Variants in MAML3 observed in about 807,000 individuals in gnomAD.
MAML3 encodes the protein mastermind-like protein 3.
In MAML3, 27 loss-of-function variants were observed where a neutral mutation model predicts 101.9. The observed-to-expected ratio is 0.27, with a 90% CI of 0.20 to 0.37. The LOEUF (loss-of-function observed/expected upper bound fraction) is 0.37, where lower values mean the gene tolerates loss of function less well. MAML3 is among the 10% of genes least tolerant of loss of function. MAML3 has a pLI of 1.00. For synonymous variants in MAML3, 501 were observed against 555.9 expected (o/e 0.90, Z 1.39); for missense variants, 1,316 against 1,444.9 (o/e 0.91, Z 1.45).
intron 1 of MAML3, among the ~76,000 whole-genome samples, chr4:140,067,354 A>G (rs1220648713): frequency 6.6e-6 from 1 of 152,236 alleles, no homozygotes; most frequent in Non-Finnish European, 1.5e-5. Context: ...AAAATGGCCA[A>G]GAGTTTGCAA....
At chr4:140,047,813 C>A (rs1044255648) in intron 1 of MAML3, among the ~76,000 whole-genome samples, 18 of 149,258 alleles carry the variant, frequency 1.2e-4, no homozygotes, top group Admixed American at 1.0e-3. Context: ...TTGGAGGAGA[C>A]TGAACTTAAA....
rs1553952725 is a variant in MAML3, at chr4:139,739,679, GTTTTT to G, written c.2080-9017_2080-9013del. ...TTAAGAAAGGCAGGGGAGGAAAGCA[GTTTTT>G]TTTTTTTTTTCTTTTATGTCCTCAG... On this transcript the variant is annotated intron_variant, in intron 2 of 4. Coordinates refer to ENST00000509479, the MANE Select transcript of MAML3 (RefSeq NM_018717.5). Among the ~76,000 whole-genome samples, 7 of 132,354 alleles carry G rather than the reference GTTTTT, an allele frequency of 5.3e-5. No homozygotes were observed. In the East Asian group the frequency reaches 1.4e-3, roughly 26 times the overall value. The allele number at this position is 132,354 out of a possible 152,430, so 86.8% of individuals were successfully genotyped here. A position where few individuals can be genotyped will look rare whatever the true frequency, so the allele number is the denominator to read the frequency against.
rs1249637446 is a variant in MAML3 at position 139,733,726 on chromosome 4, C to T, written c.2080-3059G>A. On this transcript the variant is annotated intron_variant, in intron 2 of 4. Transcript: ENST00000509479. ...TAGAGACAGGGTTTCACTCCGTTGC[C>T]CAGGCTGGGGTGCAGTGGTATGATC... 3.9e-5 allele frequency among the ~76,000 whole-genome samples: 6 copies of T among 152,118 alleles called. No homozygotes were observed. In the East Asian group the frequency reaches 5.8e-4, roughly 15 times the overall value.
rs553064717 is a variant in MAML3 at position 140,097,823 on chromosome 4, G to T, written c.468+55037C>A. ...GAAGACTTTTAACCAGATGGGAAAA[G>T]TTACCACAATATTTCCAATACTGTG... On this transcript the variant is annotated intron_variant, in intron 1 of 4. Transcript: ENST00000509479. 1.1e-3 allele frequency among the ~76,000 whole-genome samples: 163 copies of T among 152,304 alleles called. No individual in the cohort carries two copies. The Middle Eastern group carries it at 0.024, about 22-fold the overall frequency.
At chr4:139,889,184 T>G in intron 2 of MAML3, 173 bp downstream of exon 2, 2 of 1,248,878 alleles carry the variant, frequency 1.6e-6, no homozygotes, top group Non-Finnish European at 2.3e-6. Context: ...TTCCATTTCT[T>G]AGGAGAAATG....
At chr4:140,107,507 CTT>C (rs34219237) in intron 1 of MAML3, among the ~76,000 whole-genome samples, 478 of 139,214 alleles carry the variant, frequency 3.4e-3, no homozygotes, top group Middle Eastern at 0.011. Flanking sequence ...GAAAAAAATG[CTT>C]TTTTTTTTTT....
In MAML3 at chr4:139,987,524, C is replaced by T. The variant is rs111462151; in HGVS notation, c.469-96557G>A. Among the ~76,000 whole-genome samples, 417 of 152,268 alleles carry T rather than the reference C, an allele frequency of 2.7e-3. 2 individuals carry two copies. Among genetic ancestry groups the T allele is most frequent in the African/African-American group, 8.1e-3 (338 of 41,556 alleles). ...GAGAAGTTGAAAAAGAAAAATCAGC[C>T]TCTCTGTGTTTCTAGCATGTCAAAA... On this transcript the variant is annotated intron_variant, in intron 1 of 4. Transcript: ENST00000509479.
intron 1 of MAML3, among the ~76,000 whole-genome samples, chr4:139,946,424 A>G (rs977215904): frequency 1.3e-5 from 2 of 152,212 alleles, no homozygotes; most frequent in Non-Finnish European, 2.9e-5. Flanking sequence ...CGAGCCTGAC[A>G]ATGTGAATAA....
intron 2 of MAML3, among the ~76,000 whole-genome samples, chr4:139,798,681 G>C (rs1398234621): frequency 6.6e-6 from 1 of 152,088 alleles, no homozygotes; most frequent in Non-Finnish European, 1.5e-5. Context: ...AACAGGTCAG[G>C]GCCAATTCCA....
intron 2 of MAML3, among the ~76,000 whole-genome samples, chr4:139,761,019 CGCAATCTCGGCTCACT>C (rs1729746462): frequency 6.6e-6 from 1 of 151,894 alleles, no homozygotes; most frequent in African/African-American, 2.4e-5. Flanking sequence ...AGTACAATGG[CGCAATCTCGGCTCACT>C]GCAACCTCCA....
Position 139,890,220 on chromosome 4 carries a change from G to T in MAML3, c.1216C>A (p.Pro406Thr). The T allele has an allele frequency of 6.2e-7, 1 of 1,613,560 alleles. No homozygotes were observed. Among genetic ancestry groups the T allele is most frequent in the Non-Finnish European group, 8.5e-7 (1 of 1,179,888 alleles). ...SVASTPAAPN[P>T]ASSPANCAVQ... ...GCACAGTTTGCTGGTGAGCTTGCAG[G>T]GTTTGGAGCTGCGGGAGTGCTGGCA... is the stretch of plus-strand genomic sequence containing the variant. Residue 406 changes from proline (P) to threonine (T), a missense_variant, in exon 2 of 5, where the codon CCT becomes ACT. Pro to Thr is a conservative substitution (Grantham distance 38, BLOSUM62 -1). Transcript: ENST00000509479. This position sits in a 1 kb window ranked among gnomAD's most constrained non-coding sequence, Gnocchi z 4.1.
chr4:140,069,354 GAGAAGGAGAAGA>G (rs1303184886), intron 1 of MAML3, among the ~76,000 whole-genome samples: 1,155 of 73,870 alleles, frequency 0.016, 42 homozygotes, highest in Middle Eastern at 0.026. Flanking sequence ...GAAGGAGAAG[GAGAAGGAGAAGA>G]AGAAGAAGAA....
intron 1 of MAML3, among the ~76,000 whole-genome samples, chr4:140,041,436 C>A (rs996520900): frequency 6.6e-6 from 1 of 152,006 alleles, no homozygotes; most frequent in African/African-American, 2.4e-5. Flanking sequence ...CCAGCCTGGC[C>A]AACATGGCGA....
At chr4:139,926,560 A>T (rs772340903) in intron 1 of MAML3, among the ~76,000 whole-genome samples, 7 of 152,244 alleles carry the variant, frequency 4.6e-5, no homozygotes, top group Non-Finnish European at 1.0e-4. Context: ...AGATCGCACC[A>T]CTGCACTCCA....
intron 2 of MAML3, among the ~76,000 whole-genome samples, chr4:139,747,298 G>C (rs79302306): frequency 5.9e-5 from 9 of 152,132 alleles, no homozygotes; most frequent in African/African-American, 9.7e-5. Context: ...TGCAGAGCGC[G>C]GGCAACTTTC....
chr4:139,790,573 A>T (rs2111090793), intron 2 of MAML3, among the ~76,000 whole-genome samples: 1 of 152,176 alleles, frequency 6.6e-6, no homozygotes, highest in African/African-American at 2.4e-5. Context: ...TGCACCTGAT[A>T]ACCTCTATTC....
At position 140,134,008 on chromosome 4, in the gene MAML3, A is replaced by G. The variant is rs533574789; in HGVS notation, c.468+18852T>C. The G allele has an allele frequency of 9.0e-5, 37 of 412,410 alleles. No individual in the cohort carries two copies. The Admixed American group carries it at 9.7e-4, about 11-fold the overall frequency. The allele number at this position is 412,410 out of a possible 1,614,324, so 25.5% of individuals were successfully genotyped here. On this transcript the variant is annotated intron_variant, in intron 1 of 4. Coordinates refer to ENST00000509479, the MANE Select transcript of MAML3 (RefSeq NM_018717.5). The stretch of plus-strand genomic sequence containing the variant: ...CCTCTTTCTCCAACTTTCTTATTCC[A>G]TACTCATCCCTTCTGCCATCTCTCC...
At chr4:139,809,562 G>A (rs544889155) in intron 2 of MAML3, among the ~76,000 whole-genome samples, 8 of 152,300 alleles carry the variant, frequency 5.3e-5, no homozygotes, top group South Asian at 2.1e-4. Flanking sequence ...ACCGGCACAC[G>A]TCAGTCACGG....
intron 1 of MAML3, among the ~76,000 whole-genome samples, chr4:139,957,664 GGA>G (rs1733939810): frequency 6.6e-6 from 1 of 152,136 alleles, no homozygotes; most frequent in Non-Finnish European, 1.5e-5. Flanking sequence ...CCCAACAAAC[GGA>G]GAGTTACTAT....
Sources: allele counts gnomAD v4.1 joint callset (sites outside exome capture counted in the v4.1 genomes callset), GRCh38; gene constraint gnomAD v4.1.1; non-coding constraint Gnocchi (gnomAD v3.1); transcripts MANE v1.5; gene names NCBI Gene and HGNC (gene_info 2026-07-23, HGNC 2026-07-21).